Variants in ENY2 observed in about 807,000 individuals in gnomAD.
ENY2 encodes the protein ENY2 transcription and export complex 2 subunit.
A neutral mutation model predicts 15.9 loss-of-function variants in ENY2; 4 were observed. That is an observed-to-expected ratio of 0.25 (90% CI 0.12 to 0.57). ENY2 has a LOEUF of 0.57. ENY2 is among the 20% of genes least tolerant of loss of function. ENY2 has a pLI of 0.91. For synonymous variants in ENY2, 48 were observed against 38.0 expected, an observed-to-expected ratio of 1.26 and a Z score of -0.97; for missense variants, 54 against 117.2, an observed-to-expected ratio of 0.46 and a Z score of 2.49.
intron 1 of ENY2, 39 bp from the exon 2 acceptor site, chr8:109,336,089 G>T: frequency 6.3e-7 from 1 of 1,598,428 alleles, no homozygotes; most frequent in Non-Finnish European, 8.6e-7. Context: ...AAAATGCTTT[G>T]TAAATGTTCT....
Position 109,334,445 on chromosome 8 carries a change from A to G in ENY2, c.-24A>G. ...GCGCAAGGGTCATTTCGTCGCTGGG[A>G]AGGGACGGCCCTCGCCCGCGGTGAT... is the stretch of plus-strand genomic sequence containing the variant. On this transcript the variant is annotated 5_prime_UTR_variant, in exon 1 of 5. Coordinates refer to ENST00000521688, the MANE Select transcript of ENY2 (RefSeq NM_020189.6). 6.2e-7 allele frequency: 1 copy of G among 1,613,918 alleles called. No homozygotes were observed. The highest frequency in any genetic ancestry group is 8.5e-7 in the Non-Finnish European group (1 of 1,179,938).
intron 4 of ENY2, 160 bp downstream of exon 4, chr8:109,340,723 G>A: frequency 3.9e-6 from 3 of 766,384 alleles, no homozygotes; most frequent in African/African-American, 1.8e-5. Context: ...AGCATAGTCT[G>A]GGAGTAACAA....
At chr8:109,342,444 TTATG>T (rs953244473) in intron 4 of ENY2, among the ~76,000 whole-genome samples, 3 of 150,154 alleles carry the variant, frequency 2.0e-5, no homozygotes, top group African/African-American at 7.3e-5. Flanking sequence ...AAAATATATA[TTATG>T]TATGTTTATA....
Position 109,343,504 on chromosome 8 carries a change from G to A in ENY2, c.*23G>A, listed in dbSNP as rs765033122. On this transcript the variant is annotated 3_prime_UTR_variant, in exon 5 of 5. Coordinates refer to ENST00000521688, the MANE Select transcript of ENY2 (RefSeq NM_020189.6). ...TAAGATTGAATTAGATTGTGTTGTT[G>A]TGGTTTTATTTCTGAAAGTAAAACT... 2.5e-6 allele frequency: 4 copies of A among 1,583,434 alleles called. No homozygotes were observed. The highest frequency in any genetic ancestry group is 1.7e-4 in the Middle Eastern group (1 of 5,916).
intron 2 of ENY2, 97 bp downstream of exon 2, chr8:109,336,301 A>G (rs1439546686): frequency 1.7e-5 from 18 of 1,036,894 alleles, no homozygotes; most frequent in Non-Finnish European, 2.5e-5. Flanking sequence ...ACTGGAAAGA[A>G]TTACAATTGA....
chr8:109,339,078 A>T, intron 2 of ENY2: 1 of 536,548 alleles, frequency 1.9e-6, no homozygotes, highest in South Asian at 2.5e-5. Flanking sequence ...AAAGTATTTT[A>T]GCCCCTCCAC....
chr8:109,337,007 A>G (rs1816000186), intron 2 of ENY2, among the ~76,000 whole-genome samples: 1 of 151,602 alleles, frequency 6.6e-6, no homozygotes, highest in African/African-American at 2.4e-5. Context: ...ATCATGTAAG[A>G]TCTCACACAA....
Position 109,344,807 on chromosome 8 carries a change from A to G in ENY2, c.*1326A>G, listed in dbSNP as rs1393256423. 5 of 152,182 alleles carry G rather than the reference A, an allele frequency of 3.3e-5. No homozygotes were observed. The highest frequency in any genetic ancestry group is 2.6e-4 in the Admixed American group (4 of 15,268). The allele number at this position is 152,182 out of a possible 1,614,324, so 9.4% of individuals were successfully genotyped here. A position where few individuals can be genotyped will look rare whatever the true frequency, so the allele number is the denominator to read the frequency against. On this transcript the variant is annotated 3_prime_UTR_variant, in exon 5 of 5. Transcript: ENST00000521688. ...CGTAATTGTCTTAGTTCAAGCCCAG[A>G]TTATTGTAGTAGACTTAGTATTTCT...
At chr8:109,342,071 A>G (rs1816125153) in intron 4 of ENY2, among the ~76,000 whole-genome samples, 1 of 152,094 alleles carries the variant, frequency 6.6e-6, no homozygotes. Context: ...TTTGATTTGT[A>G]TAACTTTTTT....
intron 3 of ENY2, chr8:109,339,673 A>G: frequency 3.1e-6 from 1 of 327,444 alleles, no homozygotes; most frequent in East Asian, 5.3e-5. Flanking sequence ...GTTTTAACTT[A>G]AATGGAACAC....
rs1816222745 is a variant in ENY2 at position 109,345,382 on chromosome 8, G to T, written c.*1901G>T. The stretch of plus-strand genomic sequence containing the variant: ...ATAAATTGGGTATAGTTGAGAAAAG[G>T]ATTCAAATTGATCTTTGGTTCGAGA... On this transcript the variant is annotated 3_prime_UTR_variant, in exon 5 of 5. Transcript: ENST00000521688. The T allele has an allele frequency of 6.6e-6, 1 of 152,150 alleles. No homozygotes were observed. Among genetic ancestry groups the T allele is most frequent in the Admixed American group, 6.5e-5 (1 of 15,268 alleles). The allele number at this position is 152,150 out of a possible 1,614,324, so 9.4% of individuals were successfully genotyped here.
Position 109,343,541 on chromosome 8 carries a change from A to T in ENY2, c.*60A>T. On this transcript the variant is annotated 3_prime_UTR_variant, in exon 5 of 5. Transcript: ENST00000521688. ...CTGAAAGTAAAACTTGCCATAAATT[A>T]GAAAACAATTTCCCAAAATAAAATC... is the stretch of plus-strand genomic sequence containing the variant. 1.3e-6 allele frequency: 2 copies of T among 1,482,612 alleles called. No individual in the cohort carries two copies. The highest frequency in any genetic ancestry group is 1.9e-6 in the Non-Finnish European group (2 of 1,077,524). The allele number at this position is 1,482,612 out of a possible 1,614,324, so 91.8% of individuals were successfully genotyped here. A position where few individuals can be genotyped will look rare whatever the true frequency, so the allele number is the denominator to read the frequency against.
intron 1 of ENY2, chr8:109,334,721 C>T (rs569307507): frequency 3.7e-6 from 2 of 541,630 alleles, no homozygotes; most frequent in East Asian, 6.6e-5. Context: ...GAGGGATACC[C>T]TAGCGCCCTT....
Position 109,334,429 on chromosome 8 carries a change from T to A in ENY2, c.-40T>A. Reference sequence around the variant, plus strand: ...TAGGTAACGGTCCTCAGCGCAAGGGTCATTTCGTCGCTGGGAAGGGACGGC... The same window carrying A: ...TAGGTAACGGTCCTCAGCGCAAGGGACATTTCGTCGCTGGGAAGGGACGGC... On this transcript the variant is annotated 5_prime_UTR_variant, in exon 1 of 5. Coordinates refer to ENST00000521688, the MANE Select transcript of ENY2 (RefSeq NM_020189.6). 5 of 1,613,724 alleles carry A rather than the reference T, an allele frequency of 3.1e-6. No individual in the cohort carries two copies. The highest frequency in any genetic ancestry group is 4.2e-6 in the Non-Finnish European group (5 of 1,179,872).
intron 2 of ENY2, chr8:109,338,918 A>C (rs1816055062): frequency 6.0e-6 from 1 of 165,566 alleles, no homozygotes; most frequent in Admixed American, 6.2e-5. Context: ...AGTTGAGGTT[A>C]AAGAATGGAT....
intron 2 of ENY2, 26 bp downstream of exon 2, chr8:109,336,230 T>C: frequency 6.3e-7 from 1 of 1,580,092 alleles, no homozygotes; most frequent in Non-Finnish European, 8.7e-7. Flanking sequence ...TGTTAATAAA[T>C]TACATTTCAC....
At chr8:109,340,729 A>C in intron 4 of ENY2, 166 bp downstream of exon 4, 1 of 702,880 alleles carries the variant, frequency 1.4e-6, no homozygotes, top group African/African-American at 1.8e-5. Flanking sequence ...GTCTGGGAGT[A>C]ACAAATGAGA....
At chr8:109,340,144 G>A (rs1816083246) in intron 3 of ENY2, among the ~76,000 whole-genome samples, 1 of 152,116 alleles carries the variant, frequency 6.6e-6, no homozygotes, top group Non-Finnish European at 1.5e-5. Flanking sequence ...AATATTAAAT[G>A]TTGTAAAGCA....
Position 109,343,651 on chromosome 8 carries a change from TATCTC to T in ENY2, c.*173_*177del, listed in dbSNP as rs1295183361. The T allele has an allele frequency of 1.9e-5, 10 of 529,504 alleles. No individual in the cohort carries two copies. The highest frequency in any genetic ancestry group is 3.8e-5 in the Admixed American group (1 of 26,180). The allele number at this position is 529,504 out of a possible 1,614,324, so 32.8% of individuals were successfully genotyped here. A position where few individuals can be genotyped will look rare whatever the true frequency, so the allele number is the denominator to read the frequency against. On this transcript the variant is annotated 3_prime_UTR_variant, in exon 5 of 5. Coordinates refer to ENST00000521688, the MANE Select transcript of ENY2 (RefSeq NM_020189.6). ...TCCCTAAATGTGTTATTTTAATAAATATCTCATGAATGAGTTTGAAGTTTGCTTGG... is the reference window on the plus strand; with the variant it reads ...TCCCTAAATGTGTTATTTTAATAAATATGAATGAGTTTGAAGTTTGCTTGG...
Sources: gnomAD v4.1 joint callset for allele counts (sites outside exome capture counted in the v4.1 genomes callset) on GRCh38, gnomAD v4.1.1 for gene constraint, MANE v1.5 for transcripts, NCBI Gene and HGNC (gene_info 2026-07-23, HGNC 2026-07-21) for gene names.